Variants in COPG2 observed in about 807,000 individuals in gnomAD.
The protein encoded by COPG2 is coat protein complex I subunit gamma 2.
A neutral mutation model predicts 46.3 loss-of-function variants in COPG2; 37 were observed. The ratio of observed to expected loss-of-function variants is 0.80; its 90% CI spans 0.61 to 1.05. COPG2 has a LOEUF of 1.05. COPG2 is among the 50% of genes least tolerant of loss of function. COPG2 has a pLI of 0.00. For missense variants in COPG2, 427 were observed against 387.8 expected (o/e 1.10, Z -0.85); for synonymous variants, 159 against 129.7 (o/e 1.23, Z -1.53).
At chr7:130,564,506 A>T (rs1793771578) in intron 9 of COPG2, 113 bp from the exon 10 acceptor site, 1 of 397,182 alleles carries the variant, frequency 2.5e-6, no homozygotes, top group Non-Finnish European at 4.4e-6. Context: ...TGGATGAGGG[A>T]TTTCTAAAAA....
chr7:130,547,420 C>T (rs965364894), intron 20 of COPG2: 5 of 351,500 alleles, frequency 1.4e-5, no homozygotes, highest in East Asian at 4.1e-5. Flanking sequence ...CTGCTATACA[C>T]ACTCAGTTTC....
chr7:130,536,746 A>T (rs1252688594), intron 20 of COPG2, among the ~76,000 whole-genome samples: 1 of 152,216 alleles, frequency 6.6e-6, no homozygotes, highest in Non-Finnish European at 1.5e-5. Context: ...AAATGGATGT[A>T]GCCGAAAAGG....
chr7:130,629,922 CTT>C (rs782471896), intron 5 of COPG2, among the ~76,000 whole-genome samples: 6 of 142,556 alleles, frequency 4.2e-5, no homozygotes, highest in Admixed American at 7.0e-5. Flanking sequence ...CTTTCCTTTC[CTT>C]TTTTTTTTTT....
chr7:130,638,567 C>A (rs1354541201), intron 5 of COPG2, among the ~76,000 whole-genome samples: 2 of 152,062 alleles, frequency 1.3e-5, no homozygotes, highest in East Asian at 3.9e-4. Flanking sequence ...ATGGCAGACA[C>A]CCCTCCCCCC....
chr7:130,508,382 C>A, intron 21 of COPG2, 180 bp downstream of exon 21: 1 of 531,622 alleles, frequency 1.9e-6, no homozygotes, highest in East Asian at 3.0e-5. Context: ...TCTCTCTGGC[C>A]TGGTGCTGTC....
chr7:130,548,419 T>C lies in COPG2; in HGVS notation c.1961A>G (p.Asn654Ser), dbSNP rs1198355726. 6 of 398,516 alleles carry C rather than the reference T, an allele frequency of 1.5e-5. No homozygotes were observed. Among genetic ancestry groups the C allele is most frequent in the Middle Eastern group, 6.2e-4 (1 of 1,610 alleles). 24.7% of individuals were successfully genotyped at this position (398,516 alleles called of 1,614,324 possible). Reference protein sequence around the residue: ...FVRCIKHMFTNHIVFQFDCTN... With the variant: ...FVRCIKHMFTSHIVFQFDCTN... ...TTATCTTACCTGGAACACGATGTGA[T>C]TGGTAAACATGTGCTTGATACATCG... Residue 654 changes from asparagine to serine, a missense_variant, in exon 19 of 24, where the codon AAT becomes AGT. By Grantham distance (46) the Asn-to-Ser change is conservative. Transcript: ENST00000425248.
rs1045206896 is a variant in COPG2 at position 130,564,363 on chromosome 7, C to T, written c.768G>A (p.Glu256=). 1 of 398,440 alleles carries T rather than the reference C, an allele frequency of 2.5e-6. No homozygotes were observed. The highest frequency in any genetic ancestry group is 4.4e-6 in the Non-Finnish European group (1 of 226,056). 24.7% of individuals were successfully genotyped at this position (398,440 alleles called of 1,614,324 possible). A position where few individuals can be genotyped will look rare whatever the true frequency, so the allele number is the denominator to read the frequency against. Residue 256 remains glutamate, a synonymous_variant, in exon 10 of 24, where the codon GAG becomes GAA. Transcript: ENST00000425248. ...TTTCATGTTTATTTCGCAAGCAGCT[C>T]TCAATGAAATCAAACAGTGGACTTT... is the stretch of plus-strand genomic sequence containing the variant. ...GHESPLFDFI[E]SCLRNKHEMV... is the part of the protein sequence containing the mutation.
At chr7:130,645,175 T>C in intron 5 of COPG2, 1 of 608,008 alleles carries the variant, frequency 1.6e-6, no homozygotes, top group Admixed American at 2.0e-5. Flanking sequence ...GTCCTCATGC[T>C]TCCACGTATT....
chr7:130,668,149 C>G (rs1384311573), intron 1 of COPG2, among the ~76,000 whole-genome samples: 1 of 152,154 alleles, frequency 6.6e-6, no homozygotes, highest in Non-Finnish European at 1.5e-5. Flanking sequence ...GTCTTGCCCC[C>G]GGGGACCTGG....
chr7:130,604,311 T>C (rs1794690808), intron 9 of COPG2, among the ~76,000 whole-genome samples: 1 of 152,242 alleles, frequency 6.6e-6, no homozygotes, highest in Admixed American at 6.5e-5. Flanking sequence ...AGAAGATGTA[T>C]CTTTACAATA....
chr7:130,666,515 C>T (rs1352173908), intron 3 of COPG2, among the ~76,000 whole-genome samples: 1 of 152,112 alleles, frequency 6.6e-6, no homozygotes, highest in Non-Finnish European at 1.5e-5. Flanking sequence ...CAATATAACA[C>T]TCAGTGGAGA....
chr7:130,655,119 A>G (rs1186631271), intron 4 of COPG2, among the ~76,000 whole-genome samples: 3 of 152,042 alleles, frequency 2.0e-5, no homozygotes, highest in African/African-American at 7.2e-5. Context: ...GTTTATAGAT[A>G]ATATTTCCTG....
intron 5 of COPG2, among the ~76,000 whole-genome samples, chr7:130,647,747 T>TC (rs1244216260): frequency 6.8e-6 from 1 of 147,406 alleles, no homozygotes; most frequent in African/African-American, 2.5e-5. Context: ...TTTTTTTTTT[T>TC]CGAGACGAAG....
At chr7:130,652,301 G>A (rs1795762921) in intron 5 of COPG2, among the ~76,000 whole-genome samples, 1 of 152,142 alleles carries the variant, frequency 6.6e-6, no homozygotes, top group African/African-American at 2.4e-5. Context: ...TTACTTTCTA[G>A]AAAAATTGAA....
intron 9 of COPG2, among the ~76,000 whole-genome samples, chr7:130,600,955 A>G (rs558682757): frequency 1.1e-4 from 17 of 152,274 alleles, no homozygotes; most frequent in African/African-American, 3.9e-4. Flanking sequence ...GTCACTTTTG[A>G]GATTCGGTTA....
Position 130,527,023 on chromosome 7 carries a change from A to G in COPG2, c.2150-18364T>C, listed in dbSNP as rs1036801993. Among the ~76,000 whole-genome samples, 5 of 151,812 alleles carry G rather than the reference A, an allele frequency of 3.3e-5. No individual in the cohort carries two copies. In the East Asian group the frequency reaches 7.9e-4, roughly 24 times the overall value. On this transcript the variant is annotated intron_variant, in intron 20 of 23. Coordinates refer to ENST00000425248, the MANE Select transcript of COPG2 (RefSeq NM_012133.6). ...CTTAATTGAGCTGGTGGACTATTAC[A>G]TGTTGACTACTGGGGGTGATGGATA... is the stretch of plus-strand genomic sequence containing the variant.
rs543484201 is a variant in COPG2, at chr7:130,635,133, C to T, written c.323+17736G>A. 8.7e-5 allele frequency among the ~76,000 whole-genome samples: 13 copies of T among 149,592 alleles called. 1 individual carries two copies. In the South Asian group the frequency reaches 2.8e-3, roughly 32 times the overall value. ...TTGCCCGTATTTTATTGAGGATTTT[C>T]GCATCGATGTTCATCAGGGTTATTG... On this transcript the variant is annotated intron_variant, in intron 5 of 23. Transcript: ENST00000425248.
At chr7:130,667,421 T>C in intron 2 of COPG2, 61 bp downstream of exon 2, 1 of 1,377,608 alleles carries the variant, frequency 7.3e-7, no homozygotes, top group Non-Finnish European at 1.0e-6. Context: ...CCAGGGATTC[T>C]CTGCCCACCA....
At chr7:130,632,987 A>G (rs1043814737) in intron 5 of COPG2, among the ~76,000 whole-genome samples, 2 of 152,102 alleles carry the variant, frequency 1.3e-5, no homozygotes, top group African/African-American at 4.8e-5. Context: ...GAGTGAGAAC[A>G]TGCAGTGTTT....
Sources: allele counts gnomAD v4.1 joint callset (sites outside exome capture counted in the v4.1 genomes callset), GRCh38; gene constraint gnomAD v4.1.1; transcripts MANE v1.5; gene names NCBI Gene and HGNC (gene_info 2026-07-23, HGNC 2026-07-21).